The following NOS1 variants were observed in gnomAD, a reference collection of about 807,000 sequenced individuals.
The protein encoded by NOS1 is NOS type I.
A neutral mutation model predicts 164.5 loss-of-function variants in NOS1; 51 were observed. The observed-to-expected ratio is 0.31, with a 90% CI of 0.25 to 0.39. The LOEUF is 0.39. Among genes scored for constraint, NOS1 ranks in the 10% least tolerant of loss-of-function variants. NOS1 has a pLI of 1.00. For missense variants in NOS1, 1,362 were observed against 1,885.6 expected (o/e 0.72, Z 5.14); for synonymous variants, 719 against 745.8 (o/e 0.96, Z 0.59).
rs1566025175 is a variant in NOS1, at chr12:117,222,849, G to A, written c.3841C>T (p.Pro1281Ser). Residue 1281 changes from proline to serine, a missense_variant, in exon 26 of 29, where the codon CCC (proline) becomes TCC (serine). This residue lies in a region of NOS1 where 737 missense variants were observed against 1,030.3 expected (regional missense o/e 0.72). Coordinates refer to ENST00000317775, the MANE Select transcript of NOS1 (RefSeq NM_000620.5). The stretch of plus-strand genomic sequence containing the variant: ...CGGCACCCGAAGACCAGGACCATGG[G>A]GCAGGGGTTCATTCCTGGGGACCAG... ...DIQHKGMNPC[P>S]MVLVFGCRQS... 2.5e-6 allele frequency: 4 copies of A among 1,613,688 alleles called. No homozygotes were observed. Among genetic ancestry groups the A allele is most frequent in the Non-Finnish European group, 3.4e-6 (4 of 1,179,836 alleles).
chr12:117,327,174 G>A (rs1875293153), intron 2 of NOS1, among the ~76,000 whole-genome samples: 1 of 152,176 alleles, frequency 6.6e-6, no homozygotes, highest in Non-Finnish European at 1.5e-5. Flanking sequence ...CCCATGGGAA[G>A]GGGACTCTGC....
At chr12:117,252,673 G>T (rs1227892988) in intron 17 of NOS1, among the ~76,000 whole-genome samples, 2 of 152,156 alleles carry the variant, frequency 1.3e-5, no homozygotes, top group African/African-American at 4.8e-5. Context: ...GAGGATGTGG[G>T]AACTCTCTGT....
intron 1 of NOS1, among the ~76,000 whole-genome samples, chr12:117,355,187 A>G (rs1876801593): frequency 6.6e-6 from 1 of 152,206 alleles, no homozygotes. Context: ...GAAAAGGCTC[A>G]TCATTCCCAG....
At position 117,309,402 on chromosome 12, in the gene NOS1, T is replaced by A. The variant is rs1247624053; in HGVS notation, c.852+2064A>T. 5.1e-6 allele frequency: 5 copies of A among 984,960 alleles called. 1 individual carries two copies. Among genetic ancestry groups the A allele is most frequent in the Non-Finnish European group, 4.8e-6 (4 of 829,694 alleles). 61.0% of individuals were successfully genotyped at this position (984,960 alleles called of 1,614,324 possible). A position where few individuals can be genotyped will look rare whatever the true frequency, so the allele number is the denominator to read the frequency against. On this transcript the variant is annotated intron_variant, in intron 3 of 28. Coordinates refer to ENST00000317775, the MANE Select transcript of NOS1 (RefSeq NM_000620.5). ...ACCACCAAGGCTCTAGAATGTCTCA[T>A]CCTCCCCGCTGAAGCTGTGTAGAGA...
At chr12:117,265,927 A>T (rs992586282) in intron 11 of NOS1, among the ~76,000 whole-genome samples, 2 of 150,006 alleles carry the variant, frequency 1.3e-5, no homozygotes, top group Non-Finnish European at 3.0e-5. Context: ...AGTAGCTGGG[A>T]CTACAGGCGC....
chr12:117,264,718 CCTCT>C (rs1278485359), intron 12 of NOS1, among the ~76,000 whole-genome samples: 1 of 148,408 alleles, frequency 6.7e-6, no homozygotes, highest in Non-Finnish European at 1.5e-5. Flanking sequence ...TCTCCCTTTC[CCTCT>C]CTCTCTTTCT....
At chr12:117,218,322 C>T (rs954349427) in intron 27 of NOS1, among the ~76,000 whole-genome samples, 158 bp from the exon 28 acceptor site, 9 of 152,114 alleles carry the variant, frequency 5.9e-5, no homozygotes, top group African/African-American at 1.9e-4. Flanking sequence ...CCTTTGATCT[C>T]GAAGACTCTG....
In NOS1 at chr12:117,214,563, C is replaced by T; in HGVS notation, c.*746G>A. The T allele has an allele frequency of 1.0e-6, 1 of 985,402 alleles. No individual in the cohort carries two copies. The highest frequency in any genetic ancestry group is 1.2e-6 in the Non-Finnish European group (1 of 829,958). 61.0% of individuals were successfully genotyped at this position (985,402 alleles called of 1,614,324 possible). On this transcript the variant is annotated 3_prime_UTR_variant, in exon 29 of 29. Transcript: ENST00000317775. The stretch of plus-strand genomic sequence containing the variant: ...CACTGGTATCAAAATCTAAATGCAG[C>T]AAATTCTGGGAATGCCTCTTTCATT...
At chr12:117,269,174 C>T (rs935458811) in intron 10 of NOS1, among the ~76,000 whole-genome samples, 10 of 152,054 alleles carry the variant, frequency 6.6e-5, no homozygotes, top group African/African-American at 2.4e-4. Flanking sequence ...ACTGTGGAGA[C>T]AGCATGCAAG....
intron 1 of NOS1, among the ~76,000 whole-genome samples, chr12:117,351,553 C>G (rs924916358): frequency 1.3e-5 from 2 of 152,180 alleles, no homozygotes; most frequent in African/African-American, 4.8e-5. Flanking sequence ...CAAATCTTCA[C>G]CTCCATTGCC....
Position 117,213,040 on chromosome 12 carries a change from G to A in NOS1, c.*2269C>T. 2.0e-6 allele frequency: 2 copies of A among 985,466 alleles called. No individual in the cohort carries two copies. Among genetic ancestry groups the A allele is most frequent in the Non-Finnish European group, 2.4e-6 (2 of 829,926 alleles). 61.0% of individuals were successfully genotyped at this position (985,466 alleles called of 1,614,324 possible). Reference sequence around the variant, plus strand: ...ATTTCTTTGGACTCCTTGACAAAATGAGACAATGTTTCCATCTGTCTGCTA... The same window carrying A: ...ATTTCTTTGGACTCCTTGACAAAATAAGACAATGTTTCCATCTGTCTGCTA... On this transcript the variant is annotated 3_prime_UTR_variant, in exon 29 of 29. Coordinates refer to ENST00000317775, the MANE Select transcript of NOS1 (RefSeq NM_000620.5).
At chr12:117,222,912 G>A in intron 25 of NOS1, 49 bp from the exon 26 acceptor site, 1 of 1,590,468 alleles carries the variant, frequency 6.3e-7, no homozygotes, top group African/African-American at 1.3e-5. Context: ...TGCCTGATGT[G>A]CAGGGTGGCT....
intron 20 of NOS1, among the ~76,000 whole-genome samples, chr12:117,235,099 G>A (rs1592937092): frequency 6.6e-6 from 1 of 151,864 alleles, no homozygotes; most frequent in African/African-American, 2.4e-5. Flanking sequence ...GGAATTTTTT[G>A]TACAGATGGA....
At chr12:117,247,064 T>G (rs1397005881) in intron 18 of NOS1, among the ~76,000 whole-genome samples, 1 of 152,090 alleles carries the variant, frequency 6.6e-6, no homozygotes, top group African/African-American at 2.4e-5. Context: ...CAAATGGGAG[T>G]GACGGATGGC....
rs1022176481 is a variant in NOS1 at position 117,336,494 on chromosome 12, T to C, written c.-420-5005A>G. ...AGCACATGGACTGTGGCAGGTTCAG[T>C]TGCAATGTGCTGCAAGAGTAAAGTG... On this transcript the variant is annotated intron_variant, in intron 1 of 28. Coordinates refer to ENST00000317775, the MANE Select transcript of NOS1 (RefSeq NM_000620.5). Among the ~76,000 whole-genome samples, 3 of 152,266 alleles carry C rather than the reference T, an allele frequency of 2.0e-5. No individual in the cohort carries two copies. The East Asian group carries it at 5.8e-4, about 29-fold the overall frequency.
chr12:117,280,535 A>T (rs1306264461), intron 8 of NOS1, among the ~76,000 whole-genome samples, 190 bp downstream of exon 8: 1 of 152,234 alleles, frequency 6.6e-6, no homozygotes, highest in Admixed American at 6.5e-5. Flanking sequence ...TAATGGCATG[A>T]AAGTGACCAA....
chr12:117,359,895 T>C lies in NOS1; in HGVS notation c.-421+1617A>G, dbSNP rs1593049728. ...ATGGTTTTATATATATATATATATA[T>C]ATATATATATATATATATATATATA... is the stretch of plus-strand genomic sequence containing the variant. On this transcript the variant is annotated intron_variant, in intron 1 of 28. Coordinates refer to ENST00000317775, the MANE Select transcript of NOS1 (RefSeq NM_000620.5). Among the ~76,000 whole-genome samples the C allele has an allele frequency of 1.0e-4, 4 of 38,556 alleles. 1 individual carries two copies. The South Asian group carries it at 3.5e-3, about 34-fold the overall frequency. The allele number at this position is 38,556 out of a possible 152,430, so 25.3% of individuals were successfully genotyped here. A position where few individuals can be genotyped will look rare whatever the true frequency, so the allele number is the denominator to read the frequency against.
chr12:117,238,811 G>A (rs1158257445), intron 20 of NOS1, among the ~76,000 whole-genome samples: 3 of 151,886 alleles, frequency 2.0e-5, no homozygotes, highest in South Asian at 2.1e-4. Context: ...CACTGCACCC[G>A]GCCCTTTCTT....
intron 3 of NOS1, among the ~76,000 whole-genome samples, chr12:117,298,853 T>C (rs775563891): frequency 5.3e-5 from 8 of 152,232 alleles, no homozygotes; most frequent in Non-Finnish European, 8.8e-5. Context: ...TTGGTGGTGT[T>C]TTATTACAGC....
Sources: gnomAD v4.1 joint callset for allele counts (sites outside exome capture counted in the v4.1 genomes callset) on GRCh38, gnomAD v4.1.1 for gene constraint, gnomAD v4.1.1 regional missense constraint, MANE v1.5 for transcripts, NCBI Gene and HGNC (gene_info 2026-07-23, HGNC 2026-07-21) for gene names.